The following CLASP1 variants were observed in gnomAD, a reference collection of about 807,000 sequenced individuals.
CLASP1 encodes the protein CLIP-associating protein 1.
CLASP1 carries 38 observed loss-of-function variants against 192.3 expected under a neutral mutation model. The observed-to-expected ratio is 0.20, with a 90% CI of 0.15 to 0.26. CLASP1 has a LOEUF of 0.26. CLASP1 is among the 10% of genes least tolerant of loss of function. The probability of loss-of-function intolerance (pLI) is 1.00; values close to 1 mark genes in which losing one functional copy is unlikely to be tolerated. For synonymous variants in CLASP1, 691 were observed against 712.8 expected, an observed-to-expected ratio of 0.97 and a Z score of 0.49; for missense variants, 1,433 against 1,932.5, an observed-to-expected ratio of 0.74 and a Z score of 4.85.
chr2:121,417,073 C>T (rs1319325734), intron 23 of CLASP1, among the ~76,000 whole-genome samples: 2 of 152,200 alleles, frequency 1.3e-5, no homozygotes, highest in African/African-American at 2.4e-5. Context: ...CCTGTGAGGA[C>T]CCACGCCTTC....
Position 121,527,681 on chromosome 2 carries a change from G to C in CLASP1, c.470+118C>G, listed in dbSNP as rs1575673470. ...AACACTGGGCAAGGGTGGGTAAAGG[G>C]GGCATGAGATCTCACACTACACTTC... On this transcript the variant is annotated intron_variant, in intron 5 of 39. Transcript: ENST00000263710. 8.3e-6 allele frequency: 6 copies of C among 722,930 alleles called. No individual in the cohort carries two copies. The South Asian group carries it at 8.8e-5, about 11-fold the overall frequency. The allele number at this position is 722,930 out of a possible 1,614,324, so 44.8% of individuals were successfully genotyped here. A position where few individuals can be genotyped will look rare whatever the true frequency, so the allele number is the denominator to read the frequency against.
At chr2:121,636,338 A>AAAAAATAAT (rs1553682640) in intron 1 of CLASP1, among the ~76,000 whole-genome samples, 1 of 138,174 alleles carries the variant, frequency 7.2e-6, no homozygotes, top group Admixed American at 7.4e-5. Flanking sequence ...TCCATTTCAA[A>AAAAAATAAT]AATAATAATA....
chr2:121,622,563 G>A (rs2067555422), intron 1 of CLASP1, among the ~76,000 whole-genome samples: 3 of 134,236 alleles, frequency 2.2e-5, no homozygotes, highest in Admixed American at 7.1e-5. Context: ...GTGAGACCCT[G>A]TCTCAAAAAA....
intron 23 of CLASP1, among the ~76,000 whole-genome samples, chr2:121,415,995 T>G (rs1466651922): frequency 6.6e-6 from 1 of 152,178 alleles, no homozygotes; most frequent in Non-Finnish European, 1.5e-5. Context: ...TATTATAAAA[T>G]TATCACTTTC....
At chr2:121,497,510 A>G (rs923644321) in intron 8 of CLASP1, among the ~76,000 whole-genome samples, 8 of 152,238 alleles carry the variant, frequency 5.3e-5, no homozygotes, top group African/African-American at 1.9e-4. Flanking sequence ...ACAAACATTT[A>G]TGAAAAAAAT....
At chr2:121,450,347 T>G (rs1302975125) in intron 16 of CLASP1, among the ~76,000 whole-genome samples, 1 of 151,750 alleles carries the variant, frequency 6.6e-6, no homozygotes, top group Non-Finnish European at 1.5e-5. Context: ...AAAAAAAAAT[T>G]TCCAAGGAGG....
chr2:121,535,139 C>T (rs773481111), intron 2 of CLASP1, among the ~76,000 whole-genome samples: 2 of 152,124 alleles, frequency 1.3e-5, no homozygotes, highest in Admixed American at 6.5e-5. Flanking sequence ...CTTAGCTGGG[C>T]GTGGTGGCAT....
intron 7 of CLASP1, among the ~76,000 whole-genome samples, chr2:121,508,343 A>G (rs1382246456): frequency 6.6e-6 from 1 of 152,220 alleles, no homozygotes; most frequent in East Asian, 1.9e-4. Flanking sequence ...CCCCAGAGCA[A>G]CTGCGAATAA....
At chr2:121,427,856 A>G (rs1168259375) in intron 20 of CLASP1, among the ~76,000 whole-genome samples, 1 of 152,202 alleles carries the variant, frequency 6.6e-6, no homozygotes, top group African/African-American at 2.4e-5. Flanking sequence ...TCAAATATTT[A>G]AAATATGCCA....
At chr2:121,378,878 C>A (rs2070914956) in intron 33 of CLASP1, among the ~76,000 whole-genome samples, 1 of 150,814 alleles carries the variant, frequency 6.6e-6, no homozygotes, top group Non-Finnish European at 1.5e-5. Flanking sequence ...AAGGGCAACA[C>A]AACCAATCCT....
At chr2:121,532,984 G>A (rs2094937045) in intron 2 of CLASP1, among the ~76,000 whole-genome samples, 1 of 152,194 alleles carries the variant, frequency 6.6e-6, no homozygotes, top group African/African-American at 2.4e-5. Context: ...GCAGGTAGGG[G>A]TGTTATTCAT....
intron 2 of CLASP1, among the ~76,000 whole-genome samples, chr2:121,581,887 A>G (rs1055353048): frequency 1.3e-5 from 2 of 150,752 alleles, no homozygotes; most frequent in African/African-American, 2.4e-5. Flanking sequence ...ACTGTCTCAA[A>G]AAAGAAAAGA....
chr2:121,444,811 G>T, intron 19 of CLASP1: 1 of 497,450 alleles, frequency 2.0e-6, no homozygotes, highest in Non-Finnish European at 3.7e-6. Context: ...AAAGAGAGGA[G>T]GAGAAACAGC....
intron 2 of CLASP1, among the ~76,000 whole-genome samples, chr2:121,583,151 T>C (rs533690840): frequency 1.3e-5 from 2 of 152,192 alleles, no homozygotes; most frequent in Non-Finnish European, 2.9e-5. Flanking sequence ...GGGACCGTTG[T>C]TGCTCTTCCA....
intron 1 of CLASP1, among the ~76,000 whole-genome samples, chr2:121,613,023 G>GA (rs1165800124): frequency 2.2e-4 from 33 of 152,204 alleles, no homozygotes; most frequent in Admixed American, 2.2e-3. Context: ...TGATACAGAA[G>GA]AAACAGTAGA....
intron 16 of CLASP1, among the ~76,000 whole-genome samples, chr2:121,450,298 T>C (rs927283821): frequency 6.7e-6 from 1 of 150,280 alleles, no homozygotes; most frequent in African/African-American, 2.5e-5. Context: ...ACCACTGCAC[T>C]CCAGCCTGGG....
intron 2 of CLASP1, among the ~76,000 whole-genome samples, chr2:121,602,541 T>C (rs549964607): frequency 6.6e-6 from 1 of 152,268 alleles, no homozygotes; most frequent in African/African-American, 2.4e-5. Flanking sequence ...GGCATCACAC[T>C]AACAGACCTC....
chr2:121,622,541 C>T (rs1016211921), intron 1 of CLASP1, among the ~76,000 whole-genome samples: 5 of 149,362 alleles, frequency 3.3e-5, no homozygotes, highest in Non-Finnish European at 7.4e-5. Context: ...TGCACTCCAG[C>T]GTGGGCGACG....
intron 19 of CLASP1, among the ~76,000 whole-genome samples, chr2:121,434,264 A>AT (rs1252647681): frequency 2.6e-5 from 4 of 151,996 alleles, no homozygotes; most frequent in Non-Finnish European, 1.5e-5. Context: ...AAAAAGTATT[A>AT]TTTTTTCTTT....
Sources: gnomAD v4.1 joint callset for allele counts (sites outside exome capture counted in the v4.1 genomes callset) on GRCh38, gnomAD v4.1.1 for gene constraint, MANE v1.5 for transcripts, NCBI Gene and HGNC (gene_info 2026-07-23, HGNC 2026-07-21) for gene names.